The following IL15 variants were observed in gnomAD, a reference collection of about 807,000 sequenced individuals.
IL15 encodes the protein interleukin 15.
IL15 carries 11 observed loss-of-function variants against 19.6 expected under a neutral mutation model. That is an observed-to-expected ratio of 0.56 (90% confidence interval 0.35 to 0.93). The LOEUF is 0.93. IL15 is among the 40% of genes least tolerant of loss of function. The pLI, the probability that IL15 is intolerant of heterozygous loss-of-function variation, is 0.01. For missense variants in IL15, 197 were observed against 186.5 expected (o/e 1.06, Z -0.33); for synonymous variants, 58 against 59.6 (o/e 0.97, Z 0.12).
At chr4:141,637,990 C>T (rs1050734868) in intron 1 of IL15, among the ~76,000 whole-genome samples, 2 of 152,092 alleles carry the variant, frequency 1.3e-5, no homozygotes, top group African/African-American at 4.8e-5. Context: ...TTTTGGAAGG[C>T]CGAGGCGAGA....
intron 2 of IL15, among the ~76,000 whole-genome samples, chr4:141,682,882 G>C (rs189157837): frequency 8.2e-4 from 124 of 152,042 alleles, no homozygotes; most frequent in African/African-American, 1.6e-3. Context: ...AACCCGGGAG[G>C]CAGAGTCTGC....
chr4:141,719,476 G>A lies in IL15; in HGVS notation c.12G>A (p.Ser4=), dbSNP rs139120184. Residue 4 remains serine (S), a splice_region_variant and synonymous_variant, in exon 3 of 8, where the codon TCG becomes TCA. Transcript: ENST00000320650. MRI[S]KPHLRSISIQ... ...CGTGGCTTTGAGTAATGAGAATTTCGGTAAGAAAAAAAATAGATGAAAATA... is the reference window on the plus strand; with the variant it reads ...CGTGGCTTTGAGTAATGAGAATTTCAGTAAGAAAAAAAATAGATGAAAATA... The A allele has an allele frequency of 2.1e-5, 23 of 1,113,372 alleles. No homozygotes were observed. The highest frequency in any genetic ancestry group is 1.2e-4 in the Admixed American group (7 of 57,826). 69.0% of individuals were successfully genotyped at this position (1,113,372 alleles called of 1,614,324 possible). A position where few individuals can be genotyped will look rare whatever the true frequency, so the allele number is the denominator to read the frequency against.
chr4:141,677,884 G>A (rs555630107), intron 2 of IL15, among the ~76,000 whole-genome samples: 8 of 152,312 alleles, frequency 5.3e-5, no homozygotes, highest in African/African-American at 1.9e-4. Context: ...GTTAGTGTGA[G>A]ATATTCTGTG....
At chr4:141,682,663 C>T (rs1396171591) in intron 2 of IL15, among the ~76,000 whole-genome samples, 3 of 152,058 alleles carry the variant, frequency 2.0e-5, no homozygotes, top group Non-Finnish European at 4.4e-5. Context: ...GAAACCTTCT[C>T]TGGGGAGTTG....
At chr4:141,720,850 A>C in intron 4 of IL15, 1 of 538,958 alleles carries the variant, frequency 1.9e-6, no homozygotes, top group Non-Finnish European at 3.2e-6. Flanking sequence ...TTATTGATAG[A>C]CTACATATTT....
intron 1 of IL15, among the ~76,000 whole-genome samples, chr4:141,643,208 A>G (rs1239911514): frequency 6.6e-6 from 1 of 151,930 alleles, no homozygotes; most frequent in Non-Finnish European, 1.5e-5. Context: ...TCTCTCCATC[A>G]CCATTTTTTT....
At chr4:141,705,611 A>G (rs1321821048) in intron 2 of IL15, among the ~76,000 whole-genome samples, 10 of 152,018 alleles carry the variant, frequency 6.6e-5, no homozygotes, top group Admixed American at 6.6e-4. Flanking sequence ...GGTATAATTT[A>G]AGTCCAATGT....
chr4:141,685,722 T>G (rs1218250370), intron 2 of IL15, among the ~76,000 whole-genome samples: 1 of 152,218 alleles, frequency 6.6e-6, no homozygotes, highest in Admixed American at 6.5e-5. Context: ...AGTTGAAATT[T>G]TAGAATATTA....
chr4:141,652,333 G>A (rs17007489), intron 1 of IL15, among the ~76,000 whole-genome samples: 3,117 of 152,120 alleles, frequency 0.02, 110 homozygotes, highest in African/African-American at 0.07. Context: ...AACCAGCAGT[G>A]CTATAAAAGA....
At chr4:141,718,877 T>C (rs1288398640) in intron 2 of IL15, 1 of 152,230 alleles carries the variant, frequency 6.6e-6, no homozygotes, top group Non-Finnish European at 1.5e-5. Context: ...TATTCTTCAC[T>C]TGATTTGAGT....
intron 2 of IL15, among the ~76,000 whole-genome samples, chr4:141,699,403 T>A (rs1729206980): frequency 6.6e-6 from 1 of 152,186 alleles, no homozygotes; most frequent in South Asian, 2.1e-4. Context: ...AACTTCATGA[T>A]CGACCTAGCG....
At chr4:141,677,859 G>T (rs1009555238) in intron 2 of IL15, among the ~76,000 whole-genome samples, 4 of 152,176 alleles carry the variant, frequency 2.6e-5, no homozygotes, top group African/African-American at 9.7e-5. Context: ...GGAGTGATAC[G>T]TTGTCACATG....
chr4:141,729,536 C>A (rs949017578), intron 6 of IL15, among the ~76,000 whole-genome samples: 1 of 152,090 alleles, frequency 6.6e-6, no homozygotes, highest in African/African-American at 2.4e-5. Flanking sequence ...GACTCTAAGG[C>A]CAGTATTATT....
intron 1 of IL15, 58 bp downstream of exon 1, chr4:141,636,806 G>A (rs1726869761): frequency 6.6e-6 from 1 of 152,340 alleles, no homozygotes; most frequent in African/African-American, 2.4e-5. Context: ...AAAGGGCGAT[G>A]GAATTTTCCC....
At position 141,657,494 on chromosome 4, in the gene IL15, A is replaced by T. The variant is rs558748825; in HGVS notation, c.-100+1187A>T. Among the ~76,000 whole-genome samples, 225 of 152,228 alleles carry T rather than the reference A, an allele frequency of 1.5e-3. 1 individual carries two copies. Among genetic ancestry groups the T allele is most frequent in the African/African-American group, 5.3e-3 (219 of 41,578 alleles). On this transcript the variant is annotated intron_variant, in intron 2 of 7. Transcript: ENST00000320650. ...CTTTAACTTTTTGACTTTTGTAATA[A>T]CACAACTTAAAGCACAAACATATTA...
intron 2 of IL15, among the ~76,000 whole-genome samples, chr4:141,676,100 GA>G (rs1728332336): frequency 6.6e-6 from 1 of 151,214 alleles, no homozygotes; most frequent in Non-Finnish European, 1.5e-5. Context: ...TTGATATTTA[GA>G]AAGTTTTTAA....
At chr4:141,656,331 A>T (rs1013881561) in intron 2 of IL15, 24 bp downstream of exon 2, 3 of 397,988 alleles carry the variant, frequency 7.5e-6, no homozygotes, top group African/African-American at 6.2e-5. Context: ...TAAAAGTTTT[A>T]TCATGCAATA....
intron 2 of IL15, among the ~76,000 whole-genome samples, chr4:141,693,002 G>A (rs1202673342): frequency 2.4e-5 from 1 of 42,218 alleles, no homozygotes; most frequent in Non-Finnish European, 4.3e-5. Context: ...GGGGAACAGA[G>A]CAAGACTCCG....
chr4:141,703,549 T>G (rs1729400906), intron 2 of IL15, among the ~76,000 whole-genome samples: 4 of 152,290 alleles, frequency 2.6e-5, no homozygotes, highest in African/African-American at 9.6e-5. Context: ...GCCTGGATTT[T>G]CAGATTCCTT....
Sources: gnomAD v4.1 joint callset for allele counts (sites outside exome capture counted in the v4.1 genomes callset) on GRCh38, gnomAD v4.1.1 for gene constraint, MANE v1.5 for transcripts, NCBI Gene and HGNC (gene_info 2026-07-23, HGNC 2026-07-21) for gene names.